Variants in AK5 observed in about 807,000 individuals in gnomAD.
The protein encoded by AK5 is adenylate kinase isoenzyme 5.
A neutral mutation model predicts 69.5 loss-of-function variants in AK5; 27 were observed. That is an observed-to-expected ratio of 0.39 (90% CI 0.29 to 0.54). AK5 has a LOEUF of 0.54. Among genes scored for constraint, AK5 ranks in the 20% least tolerant of loss-of-function variants. AK5 has a pLI of 0.71. For missense variants in AK5, 531 were observed against 700.4 expected (o/e 0.76, Z 2.73); for synonymous variants, 260 against 244.4 (o/e 1.06, Z -0.60).
intron 13 of AK5, among the ~76,000 whole-genome samples, chr1:77,553,156 T>TTTA (rs1659901277): frequency 1.3e-5 from 2 of 152,098 alleles, no homozygotes; most frequent in African/African-American, 4.8e-5. Context: ...ATTTGGAAAA[T>TTTA]CATATATAAA....
At chr1:77,497,734 C>A (rs1004191689) in intron 10 of AK5, among the ~76,000 whole-genome samples, 1 of 152,052 alleles carries the variant, frequency 6.6e-6, no homozygotes, top group African/African-American at 2.4e-5. Flanking sequence ...ACTACAGGCA[C>A]GCACCACCAC....
intron 8 of AK5, among the ~76,000 whole-genome samples, chr1:77,433,870 C>T (rs1327256946): frequency 6.6e-6 from 1 of 151,606 alleles, no homozygotes; most frequent in African/African-American, 2.4e-5. Flanking sequence ...TTAGTTTCTT[C>T]ATTAGAGTTC....
chr1:77,359,058 A>G (rs1646805467), intron 6 of AK5, among the ~76,000 whole-genome samples: 1 of 151,984 alleles, frequency 6.6e-6, no homozygotes, highest in South Asian at 2.1e-4. Flanking sequence ...GATCGAGACC[A>G]TCCTGGCTAA....
intron 3 of AK5, among the ~76,000 whole-genome samples, chr1:77,294,341 G>A (rs530826266): frequency 1.3e-5 from 2 of 152,236 alleles, no homozygotes; most frequent in South Asian, 4.1e-4. Context: ...CTAGTAGGCA[G>A]GCTGAGCCAG....
intron 2 of AK5, among the ~76,000 whole-genome samples, chr1:77,291,941 A>G (rs1466186385): frequency 6.6e-6 from 1 of 152,206 alleles, no homozygotes; most frequent in Non-Finnish European, 1.5e-5. Context: ...CTTTAAGGTA[A>G]AGTGTCAATG....
At chr1:77,522,583 C>G (rs1465315218) in intron 12 of AK5, among the ~76,000 whole-genome samples, 1 of 152,154 alleles carries the variant, frequency 6.6e-6, no homozygotes, top group Admixed American at 6.5e-5. Context: ...CACCCTCCCA[C>G]TATCCTCCCA....
rs1557620373 is a variant in AK5, at chr1:77,475,473, GTA to G, written c.1060-7836_1060-7835del. Among the ~76,000 whole-genome samples, 11 of 7,620 alleles carry G rather than the reference GTA, an allele frequency of 1.4e-3. 1 individual carries two copies. The highest frequency in any genetic ancestry group is 3.2e-3 in the Non-Finnish European group (9 of 2,804). The allele number at this position is 7,620 out of a possible 152,430, so 5.0% of individuals were successfully genotyped here. ...ATATATACAAATATATATTATATAT[GTA>G]TATATATTATATATATACAAATATA... On this transcript the variant is annotated intron_variant, in intron 8 of 13. Transcript: ENST00000354567.
intron 1 of AK5, chr1:77,282,668 T>C: frequency 5.2e-6 from 6 of 1,163,404 alleles, no homozygotes; most frequent in Non-Finnish European, 6.4e-6. Context: ...ACACCCAGGG[T>C]GGGCTGCAGA....
intron 8 of AK5, among the ~76,000 whole-genome samples, chr1:77,428,963 C>T (rs12137672): frequency 0.073 from 11,029 of 152,118 alleles, 472 homozygotes; most frequent in Middle Eastern, 0.11. Flanking sequence ...TAGTATTCCA[C>T]GGTGTATATG....
intron 6 of AK5, among the ~76,000 whole-genome samples, chr1:77,376,466 T>G (rs750806030): frequency 1.7e-5 from 2 of 115,058 alleles, no homozygotes; most frequent in African/African-American, 7.0e-5. Context: ...AAAAAAAACA[T>G]GTCTTACTTT....
intron 6 of AK5, among the ~76,000 whole-genome samples, chr1:77,352,889 AT>A (rs554092353): frequency 1.3e-3 from 197 of 152,190 alleles, no homozygotes; most frequent in African/African-American, 4.6e-3. Flanking sequence ...CTTAAGTTTC[AT>A]TTTTTCTTTA....
chr1:77,462,332 GAT>G (rs1653895237), intron 8 of AK5, among the ~76,000 whole-genome samples: 8 of 152,222 alleles, frequency 5.3e-5, no homozygotes, highest in Admixed American at 3.3e-4. Flanking sequence ...TGGATGGATG[GAT>G]GGATGGATGG....
chr1:77,300,534 C>G (rs1336237357), intron 5 of AK5, among the ~76,000 whole-genome samples: 1 of 152,156 alleles, frequency 6.6e-6, no homozygotes, highest in Admixed American at 6.5e-5. Flanking sequence ...ATTCTACACC[C>G]TGTGTAGGCT....
At chr1:77,318,325 C>T (rs1485656337) in intron 5 of AK5, among the ~76,000 whole-genome samples, 2 of 152,102 alleles carry the variant, frequency 1.3e-5, no homozygotes, top group Non-Finnish European at 2.9e-5. Flanking sequence ...ACTCATTATA[C>T]AGGAGCAAGG....
At chr1:77,507,597 C>G (rs139618371) in intron 10 of AK5, among the ~76,000 whole-genome samples, 34 of 152,228 alleles carry the variant, frequency 2.2e-4, no homozygotes, top group African/African-American at 7.7e-4. Flanking sequence ...CTGAGAAAAC[C>G]AAAAATTCCT....
intron 8 of AK5, among the ~76,000 whole-genome samples, chr1:77,429,320 T>A (rs1021181364): frequency 1.3e-5 from 2 of 152,236 alleles, no homozygotes; most frequent in African/African-American, 4.8e-5. Context: ...GGTATCTCAT[T>A]GTGGTTTTGA....
intron 12 of AK5, among the ~76,000 whole-genome samples, chr1:77,525,813 G>A (rs1179082346): frequency 6.6e-6 from 1 of 152,136 alleles, no homozygotes; most frequent in African/African-American, 2.4e-5. Flanking sequence ...CTATATATCT[G>A]TCTTTATGCC....
At position 77,496,838 on chromosome 1, in the gene AK5, A is replaced by G. The variant is rs1158306068; in HGVS notation, c.1147+10486A>G. 2.6e-5 allele frequency among the ~76,000 whole-genome samples: 4 copies of G among 152,190 alleles called. No homozygotes were observed. In the East Asian group the frequency reaches 7.7e-4, roughly 29 times the overall value. The stretch of plus-strand genomic sequence containing the variant: ...CACCAATCGGCATTCTGTAAAATGG[A>G]CCAATCAGCACTCTGTAAAATGGAC... On this transcript the variant is annotated intron_variant, in intron 10 of 13. Transcript: ENST00000354567.
chr1:77,287,148 T>TC (rs1388532779), intron 2 of AK5, 21 bp downstream of exon 2: 1 of 1,480,224 alleles, frequency 6.8e-7, no homozygotes, highest in Non-Finnish European at 9.0e-7. Context: ...TGGAGAATAA[T>TC]AGACAGTTTT....
Sources: gnomAD v4.1 joint callset for allele counts (sites outside exome capture counted in the v4.1 genomes callset) on GRCh38, gnomAD v4.1.1 for gene constraint, MANE v1.5 for transcripts, NCBI Gene and HGNC (gene_info 2026-07-23, HGNC 2026-07-21) for gene names.